The following PLEKHA7 variants were observed in gnomAD, a reference collection of about 807,000 sequenced individuals.
PLEKHA7 encodes the protein pleckstrin homology domain containing A7.
PLEKHA7 carries 104 observed loss-of-function variants against 170.0 expected under a neutral mutation model. The observed-to-expected ratio is 0.61, with a 90% CI of 0.52 to 0.72. The LOEUF is 0.72. Ranked by LOEUF, PLEKHA7 falls within the 30% of genes least tolerant of loss-of-function variation. PLEKHA7 has a pLI of 0.00. For missense variants in PLEKHA7, 1,615 were observed against 1,671.7 expected (o/e 0.97, Z 0.59); for synonymous variants, 648 against 660.8 (o/e 0.98, Z 0.30).
chr11:16,864,072 G>A (rs557246107), intron 4 of PLEKHA7, among the ~76,000 whole-genome samples: 38 of 152,274 alleles, frequency 2.5e-4, no homozygotes, highest in Non-Finnish European at 4.4e-4. Flanking sequence ...ACTGAGTATG[G>A]ACAAGGAAGA....
chr11:16,850,976 TTGAACA>T (rs1473842216), intron 8 of PLEKHA7, among the ~76,000 whole-genome samples: 1 of 152,150 alleles, frequency 6.6e-6, no homozygotes, highest in Non-Finnish European at 1.5e-5. Flanking sequence ...GTCTGAATAC[TTGAACA>T]TGGCTGGGCG....
Position 16,783,768 on chromosome 11 carries a change from G to T in PLEKHA7, c.3582C>A (p.Pro1194=), listed in dbSNP as rs1849217323. The change falls in exon 25 of 27, where the codon CCC becomes CCA. Residue 1194 remains proline (P), a synonymous_variant. Transcript: ENST00000531066. ...ACCGCGCCTGCAGCTCCTCAAGGCT[G>T]GGTGGCTCTTCGGGATCTAGCTCCA... is the stretch of plus-strand genomic sequence containing the variant. ...RYVELDPEEP[P]SLEELQARYR... is the part of the protein sequence containing the mutation. 3 of 1,515,734 alleles carry T rather than the reference G, an allele frequency of 2.0e-6. No individual in the cohort carries two copies. The allele number at this position is 1,515,734 out of a possible 1,614,324, so 93.9% of individuals were successfully genotyped here.
rs147381957 is a variant in PLEKHA7 at position 16,876,180 on chromosome 11, T to C, written c.222-4998A>G. On this transcript the variant is annotated intron_variant, in intron 3 of 26. Transcript: ENST00000531066. Reference sequence around the variant, plus strand: ...CACCCATGAAGAGTCTCATGTCCTATCACTGTGTCTCAAGAAGTATTTAGC... The same window carrying C: ...CACCCATGAAGAGTCTCATGTCCTACCACTGTGTCTCAAGAAGTATTTAGC... 1.9e-3 allele frequency among the ~76,000 whole-genome samples: 284 copies of C among 152,308 alleles called. 3 individuals are homozygous for C. The highest frequency in any genetic ancestry group is 6.5e-3 in the African/African-American group (269 of 41,562).
rs573654981 is a variant in PLEKHA7 at position 16,902,034 on chromosome 11, T to C, written c.222-30852A>G. Among the ~76,000 whole-genome samples, 19 of 152,338 alleles carry C rather than the reference T, an allele frequency of 1.2e-4. No homozygotes were observed. In the East Asian group the frequency reaches 2.7e-3, roughly 22 times the overall value. On this transcript the variant is annotated intron_variant, in intron 3 of 26. Coordinates refer to ENST00000531066, the MANE Select transcript of PLEKHA7 (RefSeq NM_001329630.2). ...GCCCTAGGCAGCCATAAATCCACTT[T>C]CTATCTCTCTGGATTTCCCTATTCT...
intron 3 of PLEKHA7, among the ~76,000 whole-genome samples, chr11:16,978,378 A>C (rs1013658523): frequency 1.3e-5 from 2 of 152,248 alleles, no homozygotes; most frequent in African/African-American, 4.8e-5. Flanking sequence ...ACCTGATGCA[A>C]AACAGTTACA....
chr11:16,903,813 C>T (rs1001505781), intron 3 of PLEKHA7, among the ~76,000 whole-genome samples: 1 of 152,214 alleles, frequency 6.6e-6, no homozygotes, highest in Non-Finnish European at 1.5e-5. Context: ...CTCTTCCATG[C>T]CTTCCACAAA....
At chr11:17,007,053 G>C (rs1865042441) in intron 3 of PLEKHA7, among the ~76,000 whole-genome samples, 2 of 152,222 alleles carry the variant, frequency 1.3e-5, no homozygotes, top group Non-Finnish European at 2.9e-5. Flanking sequence ...GGAGGACCAG[G>C]TTCTTAACTG....
rs1259357286 is a variant in PLEKHA7, at chr11:16,810,423, T to C, written c.2007+2690A>G. Among the ~76,000 whole-genome samples the C allele has an allele frequency of 2.6e-5, 4 of 152,216 alleles. No homozygotes were observed. The East Asian group carries it at 7.7e-4, about 29-fold the overall frequency. On this transcript the variant is annotated intron_variant, in intron 13 of 26. Transcript: ENST00000531066. ...GGGGTGCCAGCCTTTCTGGCAGCCATGTCAGACTGATGACACACACTTGGC... is the reference window on the plus strand; with the variant it reads ...GGGGTGCCAGCCTTTCTGGCAGCCACGTCAGACTGATGACACACACTTGGC...
intron 9 of PLEKHA7, among the ~76,000 whole-genome samples, chr11:16,832,947 G>A (rs1029840217): frequency 6.6e-6 from 1 of 152,170 alleles, no homozygotes; most frequent in African/African-American, 2.4e-5. Context: ...AACCCACTCT[G>A]GGCATAATCA....
chr11:16,881,952 G>C (rs1388102137), intron 3 of PLEKHA7, among the ~76,000 whole-genome samples: 1 of 152,172 alleles, frequency 6.6e-6, no homozygotes. Flanking sequence ...GAACAGGTCT[G>C]AAAACGAGAA....
chr11:16,907,734 T>A (rs1857933545), intron 3 of PLEKHA7, among the ~76,000 whole-genome samples: 1 of 141,602 alleles, frequency 7.1e-6, no homozygotes, highest in Non-Finnish European at 1.6e-5. Flanking sequence ...GGAGCCCCTC[T>A]GCCCGGCCAC....
intron 3 of PLEKHA7, among the ~76,000 whole-genome samples, chr11:17,001,771 G>A (rs968996706): frequency 5.4e-5 from 8 of 149,520 alleles, no homozygotes; most frequent in Non-Finnish European, 1.2e-4. Context: ...GAGGTAGCCA[G>A]CAGCCCCAGG....
intron 10 of PLEKHA7, among the ~76,000 whole-genome samples, chr11:16,819,848 A>C (rs867726950): frequency 1.3e-5 from 2 of 152,202 alleles, no homozygotes; most frequent in Non-Finnish European, 2.9e-5. Context: ...GCAAAGTTTC[A>C]GTTAGGAGGA....
chr11:16,831,385 T>G (rs1341790841), intron 9 of PLEKHA7, among the ~76,000 whole-genome samples: 1 of 152,096 alleles, frequency 6.6e-6, no homozygotes, highest in African/African-American at 2.4e-5. Flanking sequence ...TCTGCAATGC[T>G]CGATTTAGCA....
chr11:16,812,882 C>T, intron 13 of PLEKHA7, among the ~76,000 whole-genome samples: 1 of 152,214 alleles, frequency 6.6e-6, no homozygotes. Flanking sequence ...GTCTCAAGCC[C>T]TCATTCTGTA....
At chr11:16,889,758 G>A (rs2135924162) in intron 3 of PLEKHA7, among the ~76,000 whole-genome samples, 1 of 152,208 alleles carries the variant, frequency 6.6e-6, no homozygotes, top group East Asian at 1.9e-4. Flanking sequence ...AAACTTCCCT[G>A]GTCATGTTAG....
intron 3 of PLEKHA7, among the ~76,000 whole-genome samples, chr11:16,974,258 C>A (rs1369963635): frequency 2.7e-5 from 4 of 148,558 alleles, no homozygotes; most frequent in Admixed American, 6.7e-5. Context: ...CAAAGGGAGA[C>A]CCTGTCTCCA....
intron 9 of PLEKHA7, among the ~76,000 whole-genome samples, chr11:16,839,785 C>A (rs953778252): frequency 6.6e-6 from 1 of 152,100 alleles, no homozygotes; most frequent in African/African-American, 2.4e-5. Context: ...ATTTTGGTAT[C>A]TGTGGGGCTT....
chr11:16,911,103 A>G (rs1342737930), intron 3 of PLEKHA7, among the ~76,000 whole-genome samples: 1 of 152,252 alleles, frequency 6.6e-6, no homozygotes, highest in East Asian at 1.9e-4. Context: ...CAAGCACCCA[A>G]GAGGAATCTG....
Sources: allele counts gnomAD v4.1 joint callset (sites outside exome capture counted in the v4.1 genomes callset), GRCh38; gene constraint gnomAD v4.1.1; transcripts MANE v1.5; gene names NCBI Gene and HGNC (gene_info 2026-07-23, HGNC 2026-07-21).